The following TNRC6A variants were observed in gnomAD, a reference collection of about 807,000 sequenced individuals.
TNRC6A encodes trinucleotide repeat containing adaptor 6A, also known as trinucleotide repeat-containing gene 6A protein.
Under a neutral mutation model 221.2 loss-of-function variants are expected in TNRC6A, and 44 were observed. The ratio of observed to expected loss-of-function variants is 0.20; its 90% CI spans 0.16 to 0.26. The LOEUF (loss-of-function observed/expected upper bound fraction) is 0.26, where lower values mean the gene tolerates loss of function less well. Among genes scored for constraint, TNRC6A ranks in the 10% least tolerant of loss-of-function variants. The pLI, the probability that TNRC6A is intolerant of heterozygous loss-of-function variation, is 1.00. For synonymous variants in TNRC6A, 847 were observed against 838.5 expected (o/e 1.01, Z -0.18); for missense variants, 2,199 against 2,404.4 (o/e 0.91, Z 1.79).
Position 24,797,910 on chromosome 16 carries a change from T to G in TNRC6A, c.3643-5T>G. ...CTGCTAACATGCTGCATTTTCTTTCTTCAGAGAGACTCACCAGAGGAAAAT... is the reference window on the plus strand; with the variant it reads ...CTGCTAACATGCTGCATTTTCTTTCGTCAGAGAGACTCACCAGAGGAAAAT... On this transcript the variant is annotated splice_polypyrimidine_tract_variant and splice_region_variant and intron_variant, in intron 10 of 24. Coordinates refer to ENST00000395799, the MANE Select transcript of TNRC6A (RefSeq NM_014494.4). 1 of 1,605,556 alleles carries G rather than the reference T, an allele frequency of 6.2e-7. No homozygotes were observed. The highest frequency in any genetic ancestry group is 2.2e-5 in the East Asian group (1 of 44,730).
Position 24,790,483 on chromosome 16 carries a change from G to A in TNRC6A, c.1841G>A (p.Ser614Asn), listed in dbSNP as rs1279067125. Residue 614 changes from serine (S) to asparagine (N), a missense_variant, in exon 6 of 25, where the codon AGC becomes AAC. Coordinates refer to ENST00000395799, the MANE Select transcript of TNRC6A (RefSeq NM_014494.4). ...CAAAACACTGGCACTAATTTACCCA[G>A]CGTTGAGTGGAACAAACTGCCTAGC... ...PAQNTGTNLP[S>N]VEWNKLPSNQ... 6.2e-7 allele frequency: 1 copy of A among 1,614,126 alleles called. No homozygotes were observed. Among genetic ancestry groups the A allele is most frequent in the African/African-American group, 1.3e-5 (1 of 74,934 alleles).
rs550219205 is a variant in TNRC6A, at chr16:24,783,044, C to T, written c.589+5686C>T. ...TTTAAGGCAGAAAATAAATATTTAA[C>T]TGTTTTGTTTGTTAGATGCTGTATA... On this transcript the variant is annotated intron_variant, in intron 5 of 24. Coordinates refer to ENST00000395799, the MANE Select transcript of TNRC6A (RefSeq NM_014494.4). Among the ~76,000 whole-genome samples, 3 of 152,152 alleles carry T rather than the reference C, an allele frequency of 2.0e-5. No homozygotes were observed. In the South Asian group the frequency reaches 6.2e-4, roughly 32 times the overall value.
chr16:24,725,859 G>A (rs1248017950), upstream of TNRC6A, among the ~76,000 whole-genome samples: 2 of 152,034 alleles, frequency 1.3e-5, no homozygotes, highest in Non-Finnish European at 2.9e-5. Flanking sequence ...AATTAGCCAG[G>A]TGTAGTGGCA....
At chr16:24,805,448 A>G (rs1182702561) in intron 14 of TNRC6A, 157 bp from the exon 15 acceptor site, 16 of 1,099,584 alleles carry the variant, frequency 1.5e-5, no homozygotes, top group Admixed American at 2.7e-5. Context: ...GAAAAAGTGT[A>G]AGTGAGTGGT....
chr16:24,617,567 T>C (rs895846346), intron 1 of TNRC6A, among the ~76,000 whole-genome samples: 5 of 152,228 alleles, frequency 3.3e-5, no homozygotes, highest in Admixed American at 2.6e-4. Flanking sequence ...AACAAACTTA[T>C]ATAGCACTTA....
At chr16:24,647,903 A>T (rs1902377466) in intron 2 of TNRC6A, among the ~76,000 whole-genome samples, 1 of 151,936 alleles carries the variant, frequency 6.6e-6, no homozygotes, top group Admixed American at 6.6e-5. Flanking sequence ...GAGCCACTGC[A>T]CCCAGCCTAT....
At chr16:24,642,379 C>A (rs1000769341) in intron 2 of TNRC6A, among the ~76,000 whole-genome samples, 4 of 152,148 alleles carry the variant, frequency 2.6e-5, no homozygotes, top group African/African-American at 9.7e-5. Flanking sequence ...GAAAGCAGGG[C>A]TGTGGTCACT....
At chr16:24,781,043 CTTTTTTTT>C (rs35502747) in intron 5 of TNRC6A, among the ~76,000 whole-genome samples, 53 of 53,432 alleles carry the variant, frequency 9.9e-4, no homozygotes, top group East Asian at 6.4e-3. Context: ...CCTCCATACT[CTTTTTTTT>C]TTTTTTTTTT....
intron 4 of TNRC6A, among the ~76,000 whole-genome samples, chr16:24,763,308 G>A (rs940281643): frequency 1.3e-5 from 2 of 152,274 alleles, no homozygotes; most frequent in Middle Eastern, 6.8e-3. Context: ...TTCTTCAAAG[G>A]GTGGAGGACC....
At chr16:24,734,239 C>T (rs933739676) in intron 2 of TNRC6A, among the ~76,000 whole-genome samples, 2 of 152,114 alleles carry the variant, frequency 1.3e-5, no homozygotes, top group Non-Finnish European at 2.9e-5. Flanking sequence ...AGTTAAGAAT[C>T]TGGGATTTGA....
Position 24,789,595 on chromosome 16 carries a change from G to C in TNRC6A, c.953G>C (p.Gly318Ala). The C allele has an allele frequency of 6.2e-7, 1 of 1,614,076 alleles. No homozygotes were observed. Among genetic ancestry groups the C allele is most frequent in the Non-Finnish European group, 8.5e-7 (1 of 1,180,030 alleles). Reference sequence around the variant, plus strand: ...ACTGGGCCATGGGGTTTTTCCCATGGAGCCATAATAAGCACATGTCAGGTC... The same window carrying C: ...ACTGGGCCATGGGGTTTTTCCCATGCAGCCATAATAAGCACATGTCAGGTC... The part of the protein sequence containing the change: ...SSTGPWGFSH[G>A]AIISTCQVSV... Residue 318 changes from glycine (G) to alanine (A), a missense_variant, in exon 6 of 25, where the codon GGA (glycine) becomes GCA (alanine). Transcript: ENST00000395799.
intron 18 of TNRC6A, among the ~76,000 whole-genome samples, chr16:24,810,083 G>A (rs773597856): frequency 1.4e-4 from 21 of 152,148 alleles, no homozygotes; most frequent in South Asian, 8.3e-4. Context: ...AAAGTGCTGC[G>A]ATTACAGGTG....
chr16:24,748,966 C>T (rs1275154586), intron 2 of TNRC6A, among the ~76,000 whole-genome samples: 1 of 152,124 alleles, frequency 6.6e-6, no homozygotes, highest in Non-Finnish European at 1.5e-5. Context: ...GCTCCACCTC[C>T]CAGTTTCACG....
chr16:24,789,887 T>C lies in TNRC6A; in HGVS notation c.1245T>C (p.Ser415=), dbSNP rs896905903. The change falls in exon 6 of 25, where the codon TCT becomes TCC. Residue 415 remains serine, a synonymous_variant. Coordinates refer to ENST00000395799, the MANE Select transcript of TNRC6A (RefSeq NM_014494.4). ...QSINSKVSGG[S]THGTWGSLQE... ...TTAACTCTAAAGTGAGTGGTGGTTC[T>C]ACCCATGGTACCTGGGGAAGCCTTC... 1 of 1,614,006 alleles carries C rather than the reference T, an allele frequency of 6.2e-7. No individual in the cohort carries two copies. The highest frequency in any genetic ancestry group is 1.3e-5 in the African/African-American group (1 of 74,944).
At chr16:24,621,345 C>CT (rs1265818474) in intron 1 of TNRC6A, among the ~76,000 whole-genome samples, 2,140 of 73,906 alleles carry the variant, frequency 0.029, 133 homozygotes, top group African/African-American at 0.11. Context: ...AGAATATGGT[C>CT]TTTTTTTTTT....
chr16:24,692,321 A>G (rs1358302729), intron 2 of TNRC6A, among the ~76,000 whole-genome samples: 1 of 152,222 alleles, frequency 6.6e-6, no homozygotes, highest in African/African-American at 2.4e-5. Flanking sequence ...CTGTAATCCC[A>G]ACATTTTGGG....
intron 2 of TNRC6A, among the ~76,000 whole-genome samples, chr16:24,681,013 C>T (rs902600314): frequency 6.6e-6 from 1 of 151,950 alleles, no homozygotes; most frequent in South Asian, 2.1e-4. Flanking sequence ...AAACAATCTT[C>T]CTGCCTCAGC....
At chr16:24,656,448 CA>C (rs1236708188) in intron 2 of TNRC6A, among the ~76,000 whole-genome samples, 1 of 118,788 alleles carries the variant, frequency 8.4e-6, no homozygotes, top group Non-Finnish European at 1.6e-5. Flanking sequence ...GCCTGGGCAA[CA>C]GAGCGAGACT....
intron 11 of TNRC6A, 59 bp downstream of exon 11, chr16:24,798,025 T>C (rs1427688432): frequency 2.0e-6 from 3 of 1,465,116 alleles, no homozygotes; most frequent in Admixed American, 3.5e-5. Flanking sequence ...ATCCATGACA[T>C]GATTCTACTG....
Sources: gnomAD v4.1 joint callset for allele counts (sites outside exome capture counted in the v4.1 genomes callset) on GRCh38, gnomAD v4.1.1 for gene constraint, MANE v1.5 for transcripts, NCBI Gene and HGNC (gene_info 2026-07-23, HGNC 2026-07-21) for gene names.